GRB2: variants seen among roughly 807,000 people sequenced by gnomAD.
The protein encoded by GRB2 is growth factor receptor bound protein 2.
GRB2 carries 2 observed loss-of-function variants against 27.4 expected under a neutral mutation model. The ratio of observed to expected loss-of-function variants is 0.07; its 90% CI spans 0.03 to 0.23. GRB2 has a LOEUF of 0.23. GRB2 is among the 10% of genes least tolerant of loss of function. The probability of loss-of-function intolerance (pLI) is 1.00; values close to 1 mark genes in which losing one functional copy is unlikely to be tolerated. For missense variants in GRB2, 102 were observed against 282.4 expected (o/e 0.36, Z 4.58); for synonymous variants, 94 against 99.6 (o/e 0.94, Z 0.33).
chr17:75,392,689 A>G (rs9901434), intron 2 of GRB2, among the ~76,000 whole-genome samples: 98,309 of 152,106 alleles, frequency 0.65, 38,068 homozygotes, highest in East Asian at 0.96. Flanking sequence ...ATGAAGCTTC[A>G]GCCTTTCCTC....
chr17:75,402,337 G>T (rs1448537835), intron 1 of GRB2, among the ~76,000 whole-genome samples: 2 of 152,148 alleles, frequency 1.3e-5, no homozygotes, highest in Non-Finnish European at 2.9e-5. Flanking sequence ...GCAAATTAAT[G>T]ACCCTATTAA....
intron 1 of GRB2, among the ~76,000 whole-genome samples, chr17:75,395,242 C>T (rs983232495): frequency 1.2e-4 from 19 of 152,150 alleles, no homozygotes; most frequent in Middle Eastern, 3.4e-3. Flanking sequence ...ACAATGAGTC[C>T]TTCAGTCAAA....
intron 2 of GRB2, among the ~76,000 whole-genome samples, chr17:75,342,662 A>G (rs12945854): frequency 2.0e-5 from 3 of 152,160 alleles, no homozygotes; most frequent in Non-Finnish European, 2.9e-5. Flanking sequence ...GAGGTAAAGG[A>G]GGTAAGAGAA....
intron 2 of GRB2, chr17:75,339,094 C>T (rs1163733335): frequency 1.0e-5 from 14 of 1,373,112 alleles, no homozygotes; most frequent in Non-Finnish European, 1.4e-5. Flanking sequence ...AAGATGCAAG[C>T]ATTTTGAACT....
chr17:75,321,336 C>A (rs1358971053), intron 5 of GRB2, among the ~76,000 whole-genome samples: 1 of 151,960 alleles, frequency 6.6e-6, no homozygotes, highest in Admixed American at 6.6e-5. Flanking sequence ...GCCACCACAT[C>A]CAGCTAATTT....
At chr17:75,324,389 T>TA (rs2078482028) in intron 4 of GRB2, among the ~76,000 whole-genome samples, 1 of 136,590 alleles carries the variant, frequency 7.3e-6, no homozygotes, top group Non-Finnish European at 1.5e-5. Flanking sequence ...TTTTTTTTTT[T>TA]AGTAGAGACA....
At chr17:75,326,156 C>T (rs1321985141) in intron 3 of GRB2, 136 bp from the exon 4 acceptor site, 2 of 976,470 alleles carry the variant, frequency 2.0e-6, no homozygotes, top group East Asian at 4.9e-5. Flanking sequence ...CCTCACAGTG[C>T]CCAAGATCGA....
At chr17:75,365,519 C>T (rs2078813266) in intron 2 of GRB2, among the ~76,000 whole-genome samples, 1 of 152,136 alleles carries the variant, frequency 6.6e-6, no homozygotes. Flanking sequence ...ACAGGTTATT[C>T]TGGTGAGAAG....
intron 2 of GRB2, among the ~76,000 whole-genome samples, chr17:75,369,212 T>C (rs995940793): frequency 1.3e-5 from 2 of 152,196 alleles, no homozygotes; most frequent in African/African-American, 2.4e-5. Context: ...AAGAACATCT[T>C]AGAAATTTAA....
intron 2 of GRB2, among the ~76,000 whole-genome samples, chr17:75,391,129 C>A (rs114598952): frequency 1.3e-5 from 2 of 152,116 alleles, no homozygotes; most frequent in East Asian, 3.8e-4. Flanking sequence ...ACTACTGTAT[C>A]GTCACTCTTT....
chr17:75,358,673 G>C (rs944331452), intron 2 of GRB2, among the ~76,000 whole-genome samples: 1 of 126,030 alleles, frequency 7.9e-6, no homozygotes. Context: ...GACCATCCTG[G>C]CCAACATGGC....
intron 2 of GRB2, among the ~76,000 whole-genome samples, chr17:75,370,735 G>C (rs1019743862): frequency 3.9e-4 from 59 of 152,304 alleles, no homozygotes; most frequent in African/African-American, 1.3e-3. Context: ...ACTTTCCCTA[G>C]GGCTATGGGT....
At chr17:75,352,682 G>T (rs2078700092) in intron 2 of GRB2, among the ~76,000 whole-genome samples, 1 of 152,104 alleles carries the variant, frequency 6.6e-6, no homozygotes, top group Non-Finnish European at 1.5e-5. Flanking sequence ...CTACAGCCTG[G>T]TATCACTCAG....
chr17:75,364,690 G>C (rs1327469781), intron 2 of GRB2, among the ~76,000 whole-genome samples: 1 of 151,856 alleles, frequency 6.6e-6, no homozygotes, highest in East Asian at 1.9e-4. Context: ...GTTTCTATTA[G>C]GGTTGTCTAT....
chr17:75,362,574 C>T (rs970709613), intron 2 of GRB2, among the ~76,000 whole-genome samples: 1 of 152,164 alleles, frequency 6.6e-6, no homozygotes, highest in Non-Finnish European at 1.5e-5. Flanking sequence ...TCACTTTATC[C>T]CTGTTCTTAG....
chr17:75,346,578 C>CCTT (rs1567862701), intron 2 of GRB2, among the ~76,000 whole-genome samples: 1 of 68,724 alleles, frequency 1.5e-5, no homozygotes, highest in Non-Finnish European at 2.5e-5. Flanking sequence ...CTTTTCTTGC[C>CCTT]TTTTTTTTTT....
At chr17:75,370,719 T>C (rs1250603636) in intron 2 of GRB2, among the ~76,000 whole-genome samples, 1 of 152,206 alleles carries the variant, frequency 6.6e-6, no homozygotes, top group African/African-American at 2.4e-5. Flanking sequence ...AAAGCTGTTC[T>C]TTGGCACTTT....
chr17:75,356,452 G>A (rs940560379), intron 2 of GRB2, among the ~76,000 whole-genome samples: 15 of 152,162 alleles, frequency 9.9e-5, no homozygotes, highest in African/African-American at 3.4e-4. Context: ...AGGCTGCAAT[G>A]AGCCATGATC....
chr17:75,393,277 A>G, intron 2 of GRB2: 1 of 510,906 alleles, frequency 2.0e-6, no homozygotes, highest in Non-Finnish European at 3.5e-6. Context: ...CCTTTCTACA[A>G]TCACATTACT....
Sources: allele counts gnomAD v4.1 joint callset (sites outside exome capture counted in the v4.1 genomes callset), GRCh38; gene constraint gnomAD v4.1.1; transcripts MANE v1.5; gene names NCBI Gene and HGNC (gene_info 2026-07-23, HGNC 2026-07-21).